Variants in PSMA5 observed in about 807,000 individuals in gnomAD.
PSMA5 encodes proteasome 20S subunit alpha 5, also known as proteasome subunit alpha type-5.
Under a neutral mutation model 34.5 loss-of-function variants are expected in PSMA5, and 3 were observed. The ratio of observed to expected loss-of-function variants is 0.09; its 90% CI spans 0.04 to 0.22. The LOEUF (loss-of-function observed/expected upper bound fraction) is 0.22, where lower values mean the gene tolerates loss of function less well. PSMA5 is among the 10% of genes least tolerant of loss of function. The pLI is 1.00. For missense variants in PSMA5, 120 were observed against 286.1 expected, an observed-to-expected ratio of 0.42 and a Z score of 4.19; for synonymous variants, 88 against 95.8, an observed-to-expected ratio of 0.92 and a Z score of 0.47.
chr1:109,411,224 C>T (rs1653976462), intron 6 of PSMA5, 111 bp from the exon 7 acceptor site: 1 of 677,974 alleles, frequency 1.5e-6, no homozygotes, highest in African/African-American at 1.8e-5. Context: ...CCAGGAAACA[C>T]CACTGAAATA....
At chr1:109,425,164 C>T (rs1202038667) in intron 1 of PSMA5, among the ~76,000 whole-genome samples, 1 of 152,210 alleles carries the variant, frequency 6.6e-6, no homozygotes, top group Non-Finnish European at 1.5e-5. Flanking sequence ...TCACAGCAAG[C>T]ACTCAAGCAC....
chr1:109,401,671 G>A lies in PSMA5; in HGVS notation c.*342C>T, dbSNP rs567171563. On this transcript the variant is annotated 3_prime_UTR_variant, in exon 9 of 9. Coordinates refer to ENST00000271308, the MANE Select transcript of PSMA5 (RefSeq NM_002790.4). ...ACATTTGCATTTCAAACAAAAGACT[G>A]TATTACAATGGCTGGGCACAGTGGC... is the stretch of plus-strand genomic sequence containing the variant. 2.6e-4 allele frequency: 44 copies of A among 172,028 alleles called. No homozygotes were observed. Among genetic ancestry groups the A allele is most frequent in the Admixed American group, 1.6e-3 (25 of 15,854 alleles). 10.7% of individuals were successfully genotyped at this position (172,028 alleles called of 1,614,324 possible). A position where few individuals can be genotyped will look rare whatever the true frequency, so the allele number is the denominator to read the frequency against.
At chr1:109,416,588 A>G (rs1310814054) in intron 2 of PSMA5, among the ~76,000 whole-genome samples, 1 of 152,276 alleles carries the variant, frequency 6.6e-6, no homozygotes, top group Non-Finnish European at 1.5e-5. Flanking sequence ...CACTGCAAAG[A>G]GTTCCAAAGA....
chr1:109,419,827 A>G (rs954244880), intron 2 of PSMA5, among the ~76,000 whole-genome samples: 6 of 150,096 alleles, frequency 4.0e-5, no homozygotes, highest in African/African-American at 1.2e-4. Context: ...AAAAAAAACA[A>G]GCCGCGCATG....
rs530544677 is a variant in PSMA5, at chr1:109,425,997, T to C, written c.29+305A>G. On this transcript the variant is annotated intron_variant, in intron 1 of 8. Transcript: ENST00000271308. ...GATGAACGGAGCAAAGAGTGACCCTTGGCCTTCTCCGGGTTCAAGGTAGGA... is the reference window on the plus strand; with the variant it reads ...GATGAACGGAGCAAAGAGTGACCCTCGGCCTTCTCCGGGTTCAAGGTAGGA... 217 of 542,850 alleles carry C rather than the reference T, an allele frequency of 4.0e-4. 4 individuals are homozygous for C. Among genetic ancestry groups the C allele is most frequent in the African/African-American group, 3.4e-3 (180 of 53,154 alleles). 33.6% of individuals were successfully genotyped at this position (542,850 alleles called of 1,614,324 possible).
intron 8 of PSMA5, among the ~76,000 whole-genome samples, chr1:109,406,129 G>A (rs566376317): frequency 3.9e-4 from 60 of 152,276 alleles, no homozygotes; most frequent in African/African-American, 1.4e-3. Flanking sequence ...CAAATCTGAG[G>A]TGAATCCTTC....
Position 109,426,298 on chromosome 1 carries a change from G to T in PSMA5, c.29+4C>A. On this transcript the variant is annotated splice_donor_region_variant and intron_variant, in intron 1 of 8. Coordinates refer to ENST00000271308, the MANE Select transcript of PSMA5 (RefSeq NM_002790.4). Reference sequence around the variant, plus strand: ...CCCACCCGACGTCCCCCAGCTGCACGGACCTGTCGTACTCAGACCGGGTAA... The same window carrying T: ...CCCACCCGACGTCCCCCAGCTGCACTGACCTGTCGTACTCAGACCGGGTAA... 1 of 1,605,166 alleles carries T rather than the reference G, an allele frequency of 6.2e-7. No homozygotes were observed. Among genetic ancestry groups the T allele is most frequent in the Non-Finnish European group, 8.5e-7 (1 of 1,175,138 alleles).
In PSMA5 at chr1:109,415,992, A is replaced by G. The variant is rs1485590268; in HGVS notation, c.97-629T>C. Among the ~76,000 whole-genome samples, 6 of 152,224 alleles carry G rather than the reference A, an allele frequency of 3.9e-5. No individual in the cohort carries two copies. The East Asian group carries it at 9.6e-4, about 24-fold the overall frequency. On this transcript the variant is annotated intron_variant, in intron 2 of 8. Coordinates refer to ENST00000271308, the MANE Select transcript of PSMA5 (RefSeq NM_002790.4). ...GAAGTCCACAATATACCTGGAATTC[A>G]TCTCTATCTCTACGTAACTCCCAGT...
chr1:109,422,347 C>T (rs1360404750), intron 1 of PSMA5, among the ~76,000 whole-genome samples: 1 of 152,176 alleles, frequency 6.6e-6, no homozygotes, highest in Non-Finnish European at 1.5e-5. Context: ...GGTTATCACT[C>T]TTCTTTCCAT....
Position 109,401,798 on chromosome 1 carries a change from TAAAA to T in PSMA5, c.*211_*214del, listed in dbSNP as rs11314171. 237 of 203,420 alleles carry T rather than the reference TAAAA, an allele frequency of 1.2e-3. No individual in the cohort carries two copies. Among genetic ancestry groups the T allele is most frequent in the South Asian group, 1.9e-3 (17 of 8,880 alleles). 12.6% of individuals were successfully genotyped at this position (203,420 alleles called of 1,614,324 possible). A position where few individuals can be genotyped will look rare whatever the true frequency, so the allele number is the denominator to read the frequency against. ...GGCAATATAGTGAGACCTCATCTCT[TAAAA>T]AAAAAAAAAAAAAAAAGACTATTAG... is the stretch of plus-strand genomic sequence containing the variant. On this transcript the variant is annotated 3_prime_UTR_variant, in exon 9 of 9. Coordinates refer to ENST00000271308, the MANE Select transcript of PSMA5 (RefSeq NM_002790.4).
intron 1 of PSMA5, among the ~76,000 whole-genome samples, chr1:109,423,636 A>G (rs1434471321): frequency 1.3e-5 from 2 of 152,126 alleles, no homozygotes; most frequent in Non-Finnish European, 2.9e-5. Flanking sequence ...AAACATCTCA[A>G]ATCTTCCAGT....
chr1:109,405,565 G>A (rs978616048), intron 8 of PSMA5, among the ~76,000 whole-genome samples: 1 of 145,702 alleles, frequency 6.9e-6, no homozygotes, highest in African/African-American at 2.5e-5. Flanking sequence ...AGCCTCCCAA[G>A]TACCTGGGAT....
chr1:109,411,119 A>G lies in PSMA5; in HGVS notation c.459-6T>C. The G allele has an allele frequency of 6.2e-7, 1 of 1,606,098 alleles. No individual in the cohort carries two copies. The highest frequency in any genetic ancestry group is 8.5e-7 in the Non-Finnish European group (1 of 1,174,480). On this transcript the variant is annotated splice_region_variant and splice_polypyrimidine_tract_variant and intron_variant, in intron 6 of 8. Transcript: ENST00000271308. ...CAGATGGGTCCATATGAAACCTGCA[A>G]AACCCCCAAAATGAGGACTAAAATG...
chr1:109,411,767 G>A (rs1653999706), intron 6 of PSMA5, 110 bp downstream of exon 6: 1 of 1,060,388 alleles, frequency 9.4e-7, no homozygotes, highest in Non-Finnish European at 1.4e-6. Flanking sequence ...TGGGACTACA[G>A]GTGTGTGCTA....
Position 109,415,358 on chromosome 1 carries a change from A to G in PSMA5, c.102T>C (p.Gly34=). Residue 34 remains glycine (G), a synonymous_variant, in exon 3 of 9, where the codon GGT becomes GGC. Transcript: ENST00000271308. ...ATGTCTGGATCCCAATGGCTGTAGAACCAAGCTAAAGAGAAACATGTTATG... is the reference window on the plus strand; with the variant it reads ...ATGTCTGGATCCCAATGGCTGTAGAGCCAAGCTAAAGAGAAACATGTTATG... The part of the protein sequence containing the change: ...VEYAIEAIKL[G]STAIGIQTSE... The G allele has an allele frequency of 6.2e-7, 1 of 1,612,782 alleles. No individual in the cohort carries two copies. The highest frequency in any genetic ancestry group is 1.1e-5 in the South Asian group (1 of 90,890).
At chr1:109,425,810 A>T (rs2100978952) in intron 1 of PSMA5, 1 of 155,840 alleles carries the variant, frequency 6.4e-6, no homozygotes, top group Admixed American at 6.5e-5. Context: ...CTATAAAATC[A>T]GACTCCAGAC....
chr1:109,410,865 G>A, intron 7 of PSMA5, 146 bp downstream of exon 7: 1 of 624,566 alleles, frequency 1.6e-6, no homozygotes, highest in East Asian at 2.9e-5. Context: ...ATGTGGATGA[G>A]CATTTTTCTG....
At chr1:109,419,775 G>A (rs1654360746) in intron 2 of PSMA5, among the ~76,000 whole-genome samples, 2 of 147,754 alleles carry the variant, frequency 1.4e-5, no homozygotes. Flanking sequence ...CTCCAGCCTG[G>A]GTGAGAGAGT....
intron 3 of PSMA5, 60 bp downstream of exon 3, chr1:109,415,177 T>C (rs753070875): frequency 5.7e-5 from 88 of 1,551,186 alleles, no homozygotes; most frequent in Non-Finnish European, 7.1e-5. Context: ...CCTTGGAACA[T>C]CATAGAGGAC....
Sources: allele counts gnomAD v4.1 joint callset (sites outside exome capture counted in the v4.1 genomes callset), GRCh38; gene constraint gnomAD v4.1.1; transcripts MANE v1.5; gene names NCBI Gene and HGNC (gene_info 2026-07-23, HGNC 2026-07-21).